Variants in ARHGEF28 observed in about 807,000 individuals in gnomAD.
ARHGEF28 encodes the protein Rho guanine nucleotide exchange factor 28.
ARHGEF28 carries 152 observed loss-of-function variants against 206.6 expected under a neutral mutation model. That is an observed-to-expected ratio of 0.74 (90% CI 0.64 to 0.84). ARHGEF28 has a LOEUF of 0.84. ARHGEF28 is among the 40% of genes least tolerant of loss of function. The pLI, the probability that ARHGEF28 is intolerant of heterozygous loss-of-function variation, is 0.00. For missense variants in ARHGEF28, 2,028 were observed against 2,073.2 expected, an observed-to-expected ratio of 0.98 and a Z score of 0.42; for synonymous variants, 763 against 776.4, an observed-to-expected ratio of 0.98 and a Z score of 0.29.
Position 73,904,422 on chromosome 5 carries a change from A to C in ARHGEF28, c.4161+17A>C. 1 of 1,598,908 alleles carries C rather than the reference A, an allele frequency of 6.3e-7. No homozygotes were observed. Among genetic ancestry groups the C allele is most frequent in the Non-Finnish European group, 8.5e-7 (1 of 1,169,638 alleles). On this transcript the variant is annotated intron_variant, in intron 33 of 35. Coordinates refer to ENST00000513042, the MANE Select transcript of ARHGEF28 (RefSeq NM_001177693.2). ...AGCCTTCAGGTAACTATCCTCCTCT[A>C]ATCTTTGACCTTGTGAATGGTTCTC...
rs532285853 is a variant in ARHGEF28 at position 73,931,122 on chromosome 5, T to C, written c.4949-9722T>C. On this transcript the variant is annotated intron_variant, in intron 35 of 35. Transcript: ENST00000513042. ...ACACTTGTTTTTTAAATAATTTGTC[T>C]GGGCTTAGAATTCTAGAATACAAAA... Among the ~76,000 whole-genome samples the C allele has an allele frequency of 7.2e-5, 11 of 152,354 alleles. No individual in the cohort carries two copies. In the South Asian group the frequency reaches 1.7e-3, roughly 23 times the overall value.
chr5:73,879,071 G>A (rs1408022449), intron 22 of ARHGEF28, among the ~76,000 whole-genome samples: 5 of 152,178 alleles, frequency 3.3e-5, no homozygotes, highest in South Asian at 4.1e-4. Flanking sequence ...CCAAGCAGAC[G>A]CAGATTTGGT....
At chr5:73,712,543 G>T (rs1749312982) in intron 2 of ARHGEF28, among the ~76,000 whole-genome samples, 2 of 152,214 alleles carry the variant, frequency 1.3e-5, no homozygotes, top group South Asian at 4.1e-4. Flanking sequence ...TGTCGCTAAA[G>T]CTGTGCCAGC....
At chr5:73,732,951 T>C (rs961844384) in intron 2 of ARHGEF28, among the ~76,000 whole-genome samples, 1 of 152,212 alleles carries the variant, frequency 6.6e-6, no homozygotes, top group East Asian at 1.9e-4. Context: ...TGAGAGGAAA[T>C]AATTACTTTA....
intron 2 of ARHGEF28, among the ~76,000 whole-genome samples, chr5:73,729,953 C>T (rs962690394): frequency 6.6e-6 from 1 of 152,072 alleles, no homozygotes; most frequent in East Asian, 1.9e-4. Flanking sequence ...TCTCACTTTC[C>T]CATTTATAAG....
At chr5:73,645,499 C>G (rs1744373115) in intron 1 of ARHGEF28, among the ~76,000 whole-genome samples, 1 of 152,068 alleles carries the variant, frequency 6.6e-6, no homozygotes, top group Admixed American at 6.5e-5. Context: ...TAAGAAATTA[C>G]TCACTATGAA....
chr5:73,901,888 A>G (rs1269432995), intron 31 of ARHGEF28: 1 of 152,220 alleles, frequency 6.6e-6, no homozygotes, highest in African/African-American at 2.4e-5. Flanking sequence ...TAAGAATTAA[A>G]TACATAAAAC....
At chr5:73,642,901 T>C (rs1744211018) in intron 1 of ARHGEF28, among the ~76,000 whole-genome samples, 1 of 152,240 alleles carries the variant, frequency 6.6e-6, no homozygotes, top group Middle Eastern at 3.2e-3. Context: ...ACTGTTACAT[T>C]TTAATATCTA....
At chr5:73,884,477 A>G (rs546772989) in intron 24 of ARHGEF28, among the ~76,000 whole-genome samples, 2 of 152,214 alleles carry the variant, frequency 1.3e-5, no homozygotes, top group Non-Finnish European at 2.9e-5. Context: ...AGAATAGATG[A>G]TCAATAAATA....
chr5:73,849,058 G>T lies in ARHGEF28; in HGVS notation c.1718G>T (p.Arg573Leu). The stretch of plus-strand genomic sequence containing the variant: ...TCTTTAGGAAAAACTCGTTTGGTGC[G>T]TGAATTAACAGTATGCAGTTCAAGT... ...KISLGKTRLV[R>L]ELTVCSSSEE... is the part of the protein sequence containing the mutation. The change falls in exon 13 of 36, where the codon CGT becomes CTT. Residue 573 changes from arginine (R) to leucine (L), a missense_variant. Physicochemically the swap from Arg to Leu is moderately radical, Grantham distance 102 (BLOSUM62 -2). Coordinates refer to ENST00000513042, the MANE Select transcript of ARHGEF28 (RefSeq NM_001177693.2). 6.4e-7 allele frequency: 1 copy of T among 1,571,860 alleles called. No individual in the cohort carries two copies. Among genetic ancestry groups the T allele is most frequent in the Non-Finnish European group, 8.6e-7 (1 of 1,156,144 alleles).
Position 73,873,241 on chromosome 5 carries a change from C to T in ARHGEF28, c.2809C>T (p.Gln937Ter), listed in dbSNP as rs1480294517. 6 of 1,609,416 alleles carry T rather than the reference C, an allele frequency of 3.7e-6. No individual in the cohort carries two copies. Among genetic ancestry groups the T allele is most frequent in the Non-Finnish European group, 5.1e-6 (6 of 1,177,492 alleles). ...VIDRIGDILV[Q>*]QFSEENASKM... The stretch of plus-strand genomic sequence containing the variant: ...CGACCGAATTGGAGATATTTTGGTA[C>T]AACAGGTAAGAAGAGCTTAAAGTCC... Residue 937 changes from glutamine to a stop codon, truncating the protein, a stop_gained, in exon 22 of 36, where the codon CAA (glutamine) becomes TAA (stop). Coordinates refer to ENST00000513042, the MANE Select transcript of ARHGEF28 (RefSeq NM_001177693.2). LOFTEE classifies it high-confidence loss of function.
At chr5:73,806,376 A>C (rs1284331982) in intron 9 of ARHGEF28, among the ~76,000 whole-genome samples, 6 of 30,414 alleles carry the variant, frequency 2.0e-4, no homozygotes, top group Non-Finnish European at 2.8e-4. Flanking sequence ...TATATACTAT[A>C]TATAGATATA....
At chr5:73,940,781 C>A in intron 35 of ARHGEF28, 63 bp from the exon 36 acceptor site, 2 of 1,318,432 alleles carry the variant, frequency 1.5e-6, no homozygotes, top group Non-Finnish European at 1.9e-6. Flanking sequence ...GCTCTAACGC[C>A]AAGACATCTG....
At chr5:73,646,997 A>G (rs1445626538) in intron 1 of ARHGEF28, among the ~76,000 whole-genome samples, 1 of 152,190 alleles carries the variant, frequency 6.6e-6, no homozygotes, top group East Asian at 1.9e-4. Context: ...AGAGAAGGAC[A>G]TTGTGGTGGG....
intron 9 of ARHGEF28, among the ~76,000 whole-genome samples, chr5:73,831,204 C>T (rs898394571): frequency 1.3e-5 from 2 of 152,170 alleles, no homozygotes; most frequent in Non-Finnish European, 2.9e-5. Flanking sequence ...TCTGAACGCA[C>T]TTAATCCTCA....
chr5:73,852,498 T>G (rs1320611622), intron 13 of ARHGEF28, among the ~76,000 whole-genome samples, 152 bp from the exon 14 acceptor site: 1 of 152,200 alleles, frequency 6.6e-6, no homozygotes, highest in African/African-American at 2.4e-5. Context: ...TCCAGAGCAA[T>G]GCCTTACTTA....
In ARHGEF28 at chr5:73,832,369, G is replaced by T; in HGVS notation, c.1056G>T (p.Lys352Asn). 6.2e-7 allele frequency: 1 copy of T among 1,612,596 alleles called. No homozygotes were observed. Residue 352 changes from lysine (K) to asparagine (N), a missense_variant, in exon 10 of 36, where the codon AAG becomes AAT. Transcript: ENST00000513042. ...DRSFDILKKS[K>N]PPSTLLAAGR... ...CCTTCGATATCCTAAAAAAATCCAAGCCGCCCTCGACATTGCTTGCTGCAG... is the reference window on the plus strand; with the variant it reads ...CCTTCGATATCCTAAAAAAATCCAATCCGCCCTCGACATTGCTTGCTGCAG...
intron 18 of ARHGEF28, 27 bp downstream of exon 18, chr5:73,866,040 C>T: frequency 6.4e-7 from 1 of 1,559,056 alleles, no homozygotes; most frequent in East Asian, 2.3e-5. Context: ...ACGACAAGAA[C>T]TTTTAAAAAT....
At position 73,909,676 on chromosome 5, in the gene ARHGEF28, G is replaced by C; in HGVS notation, c.4426G>C (p.Glu1476Gln). ...ATRESWLQER[E>Q]RECQSQEELL... ...CAGGGAGAGCTGGCTGCAGGAGCGG[G>C]AGCGGGAGTGCCAGTCGCAGGAGGA... Residue 1476 changes from glutamate (E) to glutamine (Q), a missense_variant, in exon 34 of 36, where the codon GAG (glutamate) becomes CAG (glutamine). This residue lies in a region of ARHGEF28 where 803 missense variants were observed against 768.0 expected (regional missense o/e 1.05). Transcript: ENST00000513042. 1 of 1,540,268 alleles carries C rather than the reference G, an allele frequency of 6.5e-7. No individual in the cohort carries two copies. The highest frequency in any genetic ancestry group is 1.2e-5 in the South Asian group (1 of 83,772).
Sources: gnomAD v4.1 joint callset for allele counts (sites outside exome capture counted in the v4.1 genomes callset) on GRCh38, gnomAD v4.1.1 for gene constraint, gnomAD v4.1.1 regional missense constraint, MANE v1.5 for transcripts, NCBI Gene and HGNC (gene_info 2026-07-23, HGNC 2026-07-21) for gene names.